TRABD2A: variants seen among roughly 807,000 people sequenced by gnomAD.
The protein encoded by TRABD2A is TraB domain containing 2A, also known as metalloprotease TIKI1.
In TRABD2A, 43 loss-of-function variants were observed where a neutral mutation model predicts 45.6. The observed-to-expected ratio is 0.94, with a 90% CI of 0.74 to 1.22. The LOEUF is 1.22. Among genes scored for constraint, TRABD2A ranks in the 50% most tolerant of loss-of-function variants. The probability of loss-of-function intolerance (pLI) is 0.00; values close to 1 mark genes in which losing one functional copy is unlikely to be tolerated. For synonymous variants in TRABD2A, 269 were observed against 265.0 expected, an observed-to-expected ratio of 1.02 and a Z score of -0.15; for missense variants, 642 against 652.4, an observed-to-expected ratio of 0.98 and a Z score of 0.17.
intron 4 of TRABD2A, chr2:84,836,925 G>C (rs774789560): frequency 6.9e-6 from 1 of 145,456 alleles, no homozygotes; most frequent in Non-Finnish European, 1.5e-5. Flanking sequence ...TTGATATTCT[G>C]TATTGGTGAG....
At position 84,870,467 on chromosome 2, in the gene TRABD2A, G is replaced by T. The variant is rs192920683; in HGVS notation, c.427C>A (p.Arg143Ser). 2 of 1,614,000 alleles carry T rather than the reference G, an allele frequency of 1.2e-6. No homozygotes were observed. The highest frequency in any genetic ancestry group is 3.3e-5 in the Admixed American group (2 of 60,020). The change falls in exon 2 of 7, where the codon CGC (arginine) becomes AGC (serine). Residue 143 changes from arginine to serine, a missense_variant. By Grantham distance (110) the Arg-to-Ser change is moderately radical. Transcript: ENST00000409520. ...MMPLWMTPDQ[R>S]GKGLYADYLF... ...TAGTCTGCGTAGAGCCCCTTGCCGC[G>T]CTGGTCTGGGGTCATCCACAAGGGC...
chr2:84,824,242 G>A (rs1312917778), intron 5 of TRABD2A, 38 bp from the exon 6 acceptor site: 2 of 1,611,072 alleles, frequency 1.2e-6, no homozygotes, highest in South Asian at 2.2e-5. Context: ...TTGGAGGAGG[G>A]TCACACAGCA....
chr2:84,867,180 T>C (rs1682709105), intron 2 of TRABD2A, among the ~76,000 whole-genome samples: 1 of 152,166 alleles, frequency 6.6e-6, no homozygotes, highest in South Asian at 2.1e-4. Flanking sequence ...GAACAAGTCG[T>C]TTTCCTCCTG....
At chr2:84,856,679 C>T (rs1682318708) in intron 2 of TRABD2A, among the ~76,000 whole-genome samples, 1 of 152,196 alleles carries the variant, frequency 6.6e-6, no homozygotes, top group African/African-American at 2.4e-5. Context: ...GACCTTCCCT[C>T]TCTTTTCTTC....
In TRABD2A at chr2:84,824,196, C is replaced by A. The variant is rs777642902; in HGVS notation, c.1091G>T (p.Ser364Ile). The A allele has an allele frequency of 9.9e-6, 16 of 1,613,768 alleles. No homozygotes were observed. In the Admixed American group the frequency reaches 1.3e-4, roughly 13 times the overall value. ...AGTGGGCCGTGTGGAGGTCTTTTTA[C>A]TCTTCCCTCTGTACGCAAGTGGAAG... Reference protein sequence around the residue: ...PAGRPIHKGKSKKTSTRPTLS... With the variant: ...PAGRPIHKGKIKKTSTRPTLS... The change falls in exon 6 of 7, where the codon AGT becomes ATT. Residue 364 changes from serine (S) to isoleucine (I), a missense_variant. By Grantham distance (142) the Ser-to-Ile change is moderately radical. Transcript: ENST00000409520.
intron 2 of TRABD2A, among the ~76,000 whole-genome samples, chr2:84,855,229 T>C (rs941992076): frequency 2.6e-5 from 4 of 152,144 alleles, no homozygotes; most frequent in Non-Finnish European, 4.4e-5. Context: ...TTAATTTGCA[T>C]TCGTGTAGAT....
intron 2 of TRABD2A, among the ~76,000 whole-genome samples, chr2:84,869,404 C>A (rs1227663659): frequency 6.6e-6 from 1 of 152,162 alleles, no homozygotes; most frequent in African/African-American, 2.4e-5. Context: ...AATTGAAGAA[C>A]CAACTTCTTG....
intron 4 of TRABD2A, among the ~76,000 whole-genome samples, chr2:84,838,645 T>C (rs190852784): frequency 1.3e-5 from 2 of 152,332 alleles, no homozygotes; most frequent in Admixed American, 1.3e-4. Context: ...GAATTCTGTG[T>C]CAGAGTCACT....
In TRABD2A at chr2:84,841,908, T is replaced by TA. The variant is rs1346883118; in HGVS notation, c.768dup (p.Asn257Ter). On this transcript the variant is annotated frameshift_variant, in exon 3 of 7. Coordinates refer to ENST00000409520, the MANE Select transcript of TRABD2A (RefSeq NM_001277053.2). LOFTEE classifies it high-confidence loss of function. ...ATGACGGAGCTGAGGTCCCCGCAGT[T>TA]ATAGTGTTTGATGAGATCCTCCGTC... 7 of 1,548,162 alleles carry TA rather than the reference T, an allele frequency of 4.5e-6. No homozygotes were observed. The highest frequency in any genetic ancestry group is 6.1e-6 in the Non-Finnish European group (7 of 1,146,312).
intron 1 of TRABD2A, 149 bp downstream of exon 1, chr2:84,880,783 A>T: frequency 8.2e-7 from 1 of 1,220,330 alleles, no homozygotes; most frequent in Non-Finnish European, 1.1e-6. Flanking sequence ...CGGAGAGGAG[A>T]GCGAGCAAGG....
Position 84,867,927 on chromosome 2 carries a change from A to G in TRABD2A, c.669+2298T>C, listed in dbSNP as rs569200746. Among the ~76,000 whole-genome samples the G allele has an allele frequency of 5.9e-5, 9 of 152,368 alleles. No homozygotes were observed. The South Asian group carries it at 1.7e-3, about 28-fold the overall frequency. On this transcript the variant is annotated intron_variant, in intron 2 of 6. Coordinates refer to ENST00000409520, the MANE Select transcript of TRABD2A (RefSeq NM_001277053.2). Reference sequence around the variant, plus strand: ...TTAGAATGGCAATCATTAAAAAGTCAGGAAACAACAGGTACTGGAGAGGAT... The same window carrying G: ...TTAGAATGGCAATCATTAAAAAGTCGGGAAACAACAGGTACTGGAGAGGAT...
intron 4 of TRABD2A, chr2:84,833,893 AC>A (rs1380545318): frequency 1.3e-5 from 2 of 151,864 alleles, no homozygotes; most frequent in Non-Finnish European, 2.9e-5. Flanking sequence ...GCCTGGCAGA[AC>A]CCCCACCACG....
rs1682846650 is a variant in TRABD2A, at chr2:84,870,653, T to C, written c.241A>G (p.Ser81Gly). 1 of 1,611,556 alleles carries C rather than the reference T, an allele frequency of 6.2e-7. No individual in the cohort carries two copies. Among genetic ancestry groups the C allele is most frequent in the Non-Finnish European group, 8.5e-7 (1 of 1,178,854 alleles). ...TCCAACTCAAAGTACACAATGCTGC[T>C]CTGCAGGAAAGCCTCCTTAGAGTTG... Reference protein sequence around the residue: ...PDNSKEAFLQSSIVYFELDLT... With the variant: ...PDNSKEAFLQGSIVYFELDLT... Residue 81 changes from serine to glycine, a missense_variant, in exon 2 of 7, where the codon AGC (serine) becomes GGC (glycine). Coordinates refer to ENST00000409520, the MANE Select transcript of TRABD2A (RefSeq NM_001277053.2).
intron 6 of TRABD2A, 140 bp from the exon 7 acceptor site, chr2:84,822,240 C>CCT: frequency 1.5e-6 from 1 of 658,314 alleles, no homozygotes; most frequent in Non-Finnish European, 2.3e-6. Flanking sequence ...TAATAGGCTT[C>CCT]CTATATCTCT....
At chr2:84,876,836 T>C (rs59813756) in intron 1 of TRABD2A, among the ~76,000 whole-genome samples, 50 of 152,270 alleles carry the variant, frequency 3.3e-4, no homozygotes, top group African/African-American at 1.2e-3. Context: ...CACACTGACC[T>C]TGTTACATCC....
chr2:84,859,502 A>G (rs941546316), intron 2 of TRABD2A, among the ~76,000 whole-genome samples: 10 of 152,370 alleles, frequency 6.6e-5, no homozygotes, highest in Admixed American at 5.2e-4. Flanking sequence ...TAAGCGTGAT[A>G]ATTCAACAGC....
chr2:84,855,563 T>C (rs1682267669), intron 2 of TRABD2A, among the ~76,000 whole-genome samples: 1 of 152,194 alleles, frequency 6.6e-6, no homozygotes, highest in Non-Finnish European at 1.5e-5. Flanking sequence ...TTGTGCTCAC[T>C]GGAGAATACT....
At chr2:84,865,218 C>T (rs17025662) in intron 2 of TRABD2A, among the ~76,000 whole-genome samples, 21,010 of 151,936 alleles carry the variant, frequency 0.14, 1,873 homozygotes, top group African/African-American at 0.26. Flanking sequence ...TTGAATGTTG[C>T]ATTGTGGGGA....
At chr2:84,831,216 G>A (rs182062898) in intron 5 of TRABD2A, among the ~76,000 whole-genome samples, 7 of 152,252 alleles carry the variant, frequency 4.6e-5, no homozygotes, top group African/African-American at 1.2e-4. Flanking sequence ...GCCATGTGCC[G>A]GCAGGAAGAG....
Sources: gnomAD v4.1 joint callset for allele counts (sites outside exome capture counted in the v4.1 genomes callset) on GRCh38, gnomAD v4.1.1 for gene constraint, MANE v1.5 for transcripts, NCBI Gene and HGNC (gene_info 2026-07-23, HGNC 2026-07-21) for gene names.